Variants in OSBPL1A observed in about 807,000 individuals in gnomAD.
The protein encoded by OSBPL1A is oxysterol binding protein like 1A, also known as oxysterol-binding protein-related protein 1.
A neutral mutation model predicts 137.1 loss-of-function variants in OSBPL1A; 80 were observed. The ratio of observed to expected loss-of-function variants is 0.58; its 90% CI spans 0.49 to 0.70. OSBPL1A has a LOEUF of 0.70. Ranked by LOEUF, OSBPL1A falls within the 30% of genes least tolerant of loss-of-function variation. OSBPL1A has a pLI of 0.00. For missense variants in OSBPL1A, 970 were observed against 1,129.4 expected (o/e 0.86, Z 2.02); for synonymous variants, 365 against 389.7 (o/e 0.94, Z 0.75).
chr18:24,184,936 C>T (rs532615394), intron 18 of OSBPL1A, among the ~76,000 whole-genome samples: 3 of 152,244 alleles, frequency 2.0e-5, no homozygotes, highest in South Asian at 2.1e-4. Flanking sequence ...ATAATGCATG[C>T]GGTTAACACA....
In OSBPL1A at chr18:24,271,763, G is replaced by A. The variant is rs1285423288; in HGVS notation, c.1281+9079C>T. 1.0e-6 allele frequency: 1 copy of A among 985,512 alleles called. No homozygotes were observed. The highest frequency in any genetic ancestry group is 1.2e-6 in the Non-Finnish European group (1 of 830,044). The allele number at this position is 985,512 out of a possible 1,614,324, so 61.0% of individuals were successfully genotyped here. On this transcript the variant is annotated intron_variant, in intron 15 of 27. Transcript: ENST00000319481. The surrounding 1 kb of genome is among the most constrained non-coding windows in gnomAD (Gnocchi z 4.0). Reference sequence around the variant, plus strand: ...CGATCCGGGAGGCGCGACCCAGGGCGGCCCGCAAGGTCTCCCTAAGTCACC... The same window carrying A: ...CGATCCGGGAGGCGCGACCCAGGGCAGCCCGCAAGGTCTCCCTAAGTCACC...
At chr18:24,311,356 T>G (rs1368600480) in intron 13 of OSBPL1A, 1 of 499,162 alleles carries the variant, frequency 2.0e-6, no homozygotes, top group East Asian at 1.5e-4. Context: ...TTCTAATTCT[T>G]CCGAACTCAA....
At chr18:24,209,509 C>T (rs2087471530) in intron 17 of OSBPL1A, among the ~76,000 whole-genome samples, 1 of 152,148 alleles carries the variant, frequency 6.6e-6, no homozygotes, top group Admixed American at 6.5e-5. Flanking sequence ...ACACATCTCC[C>T]CGATGACCCA....
At chr18:24,394,848 C>T (rs1017299145) in intron 1 of OSBPL1A, among the ~76,000 whole-genome samples, 1 of 152,140 alleles carries the variant, frequency 6.6e-6, no homozygotes, top group Non-Finnish European at 1.5e-5. Context: ...TAATTTCCTA[C>T]TTGCAGGCTG....
At chr18:24,240,870 A>G (rs940884956) in intron 15 of OSBPL1A, among the ~76,000 whole-genome samples, 6 of 152,174 alleles carry the variant, frequency 3.9e-5, no homozygotes, top group Admixed American at 3.9e-4. Flanking sequence ...TCTAGGGCCC[A>G]AACCCAGGTG....
rs2089729066 is a variant in OSBPL1A at position 24,271,872 on chromosome 18, G to C, written c.1281+8970C>G. 1.0e-6 allele frequency: 1 copy of C among 984,966 alleles called. No homozygotes were observed. The highest frequency in any genetic ancestry group is 1.1e-4 in the East Asian group (1 of 8,766). 61.0% of individuals were successfully genotyped at this position (984,966 alleles called of 1,614,324 possible). Reference sequence around the variant, plus strand: ...TCGGGCAGAGGCGTTGCCCGCCAGCGGCCCAGGACTCCCGCGCCGCGCCCG... The same window carrying C: ...TCGGGCAGAGGCGTTGCCCGCCAGCCGCCCAGGACTCCCGCGCCGCGCCCG... On this transcript the variant is annotated intron_variant, in intron 15 of 27. Transcript: ENST00000319481. This position sits in a 1 kb window ranked among gnomAD's most constrained non-coding sequence, Gnocchi z 4.0.
At chr18:24,168,162 G>C (rs1158457463) in intron 24 of OSBPL1A, among the ~76,000 whole-genome samples, 1 of 152,108 alleles carries the variant, frequency 6.6e-6, no homozygotes, top group East Asian at 1.9e-4. Flanking sequence ...GTACAGTGGT[G>C]CAATCACAGC....
chr18:24,253,529 T>G (rs1239836201), intron 15 of OSBPL1A, among the ~76,000 whole-genome samples: 1 of 152,236 alleles, frequency 6.6e-6, no homozygotes, highest in African/African-American at 2.4e-5. Context: ...CACACAGAGC[T>G]GGCTGTGTGG....
intron 6 of OSBPL1A, 26 bp from the exon 7 acceptor site, chr18:24,333,112 G>C: frequency 6.2e-7 from 1 of 1,608,646 alleles, no homozygotes; most frequent in South Asian, 1.1e-5. Flanking sequence ...ATGCAATGCA[G>C]AATTATATAT....
Position 24,162,360 on chromosome 18 carries a change from G to A in OSBPL1A, c.*819C>T, listed in dbSNP as rs1204735069. On this transcript the variant is annotated 3_prime_UTR_variant, in exon 28 of 28. Transcript: ENST00000319481. ...ACATGAGTGCAACTTACTTTCCCTA[G>A]TGGCATTTGCCACTGGAAGTGGAAG... 1 of 152,204 alleles carries A rather than the reference G, an allele frequency of 6.6e-6. No individual in the cohort carries two copies. The highest frequency in any genetic ancestry group is 2.4e-5 in the African/African-American group (1 of 41,458). 9.4% of individuals were successfully genotyped at this position (152,204 alleles called of 1,614,324 possible). A position where few individuals can be genotyped will look rare whatever the true frequency, so the allele number is the denominator to read the frequency against.
At chr18:24,351,563 G>C (rs2091442100) in intron 4 of OSBPL1A, among the ~76,000 whole-genome samples, 1 of 152,046 alleles carries the variant, frequency 6.6e-6, no homozygotes, top group African/African-American at 2.4e-5. Context: ...TTTTGAGATA[G>C]AGTTTCGCTC....
chr18:24,266,122 C>T (rs1344096108), intron 15 of OSBPL1A, among the ~76,000 whole-genome samples: 1 of 152,200 alleles, frequency 6.6e-6, no homozygotes, highest in Admixed American at 6.5e-5. Flanking sequence ...GAGTAAGTTG[C>T]CCAGAGTCAA....
chr18:24,303,571 A>G lies in OSBPL1A; in HGVS notation c.1174+66T>C, dbSNP rs570090430. 6.7e-5 allele frequency: 88 copies of G among 1,310,536 alleles called. No homozygotes were observed. In the African/African-American group the frequency reaches 1.2e-3, roughly 18 times the overall value. 81.2% of individuals were successfully genotyped at this position (1,310,536 alleles called of 1,614,324 possible). On this transcript the variant is annotated intron_variant, in intron 14 of 27. Transcript: ENST00000319481. ...AAACTGTTTAAAAATGAAGTCAAAC[A>G]AAACTACAACAGGTCAGTATCTATG... is the stretch of plus-strand genomic sequence containing the variant.
At chr18:24,230,177 G>A (rs2088226631) in intron 16 of OSBPL1A, among the ~76,000 whole-genome samples, 1 of 152,222 alleles carries the variant, frequency 6.6e-6, no homozygotes, top group South Asian at 2.1e-4. Flanking sequence ...TGCCTCCCAT[G>A]TGCTGGTTGC....
chr18:24,301,950 C>T (rs1038513823), intron 14 of OSBPL1A, among the ~76,000 whole-genome samples: 4 of 152,150 alleles, frequency 2.6e-5, no homozygotes, highest in Non-Finnish European at 5.9e-5. Flanking sequence ...TAATCATGGC[C>T]GGGCGTGGTG....
intron 5 of OSBPL1A, among the ~76,000 whole-genome samples, chr18:24,336,359 C>T (rs965806449): frequency 6.6e-6 from 1 of 152,076 alleles, no homozygotes; most frequent in Non-Finnish European, 1.5e-5. Context: ...GTTGAAAATA[C>T]TATATATGTT....
chr18:24,368,117 A>C (rs1231915614), intron 3 of OSBPL1A, 170 bp downstream of exon 3: 1 of 456,848 alleles, frequency 2.2e-6, no homozygotes, highest in Non-Finnish European at 4.0e-6. Flanking sequence ...TAATCAGGCT[A>C]ACCTAATTCA....
intron 13 of OSBPL1A, 107 bp from the exon 14 acceptor site, chr18:24,303,825 TAACA>T (rs1411098262): frequency 2.4e-6 from 2 of 840,524 alleles, no homozygotes; most frequent in Non-Finnish European, 3.8e-6. Flanking sequence ...TGATATACCA[TAACA>T]GAGACATATG....
intron 26 of OSBPL1A, among the ~76,000 whole-genome samples, chr18:24,166,193 A>G (rs2086142488): frequency 6.6e-6 from 1 of 152,220 alleles, no homozygotes; most frequent in Admixed American, 6.5e-5. Flanking sequence ...ACATAAGTAT[A>G]TACACCTACT....
Sources: gnomAD v4.1 joint callset for allele counts (sites outside exome capture counted in the v4.1 genomes callset) on GRCh38, gnomAD v4.1.1 for gene constraint, Gnocchi (gnomAD v3.1) non-coding constraint, MANE v1.5 for transcripts, NCBI Gene and HGNC (gene_info 2026-07-23, HGNC 2026-07-21) for gene names.